Variants in COX5A observed in about 807,000 individuals in gnomAD.
The protein encoded by COX5A is cytochrome c oxidase subunit 5A, also known as cytochrome c oxidase subunit 5A, mitochondrial.
Under a neutral mutation model 16.1 loss-of-function variants are expected in COX5A, and 6 were observed. That is an observed-to-expected ratio of 0.37 (90% CI 0.20 to 0.73). The LOEUF (loss-of-function observed/expected upper bound fraction) is 0.73. Ranked by LOEUF, COX5A falls within the 30% of genes least tolerant of loss-of-function variation. The probability of loss-of-function intolerance (pLI) is 0.50; values close to 1 mark genes in which losing one functional copy is unlikely to be tolerated. For missense variants in COX5A, 159 were observed against 194.9 expected (o/e 0.82, Z 1.10); for synonymous variants, 73 against 73.8 (o/e 0.99, Z 0.06).
At chr15:74,930,395 C>A (rs1291125016) in intron 1 of COX5A, among the ~76,000 whole-genome samples, 1 of 126,882 alleles carries the variant, frequency 7.9e-6, no homozygotes, top group African/African-American at 3.0e-5. Flanking sequence ...TCCAGCCTGG[C>A]GACAGAGCGA....
intron 4 of COX5A, 98 bp from the exon 5 acceptor site, chr15:74,920,540 GTC>G (rs1187485067): frequency 1.5e-6 from 1 of 654,244 alleles, no homozygotes; most frequent in African/African-American, 1.8e-5. Flanking sequence ...GGAAATCACT[GTC>G]TCTCTGTACC....
chr15:74,929,205 T>C lies in COX5A; in HGVS notation c.128A>G (p.His43Arg), dbSNP rs372249618. Residue 43 changes from histidine (H) to arginine (R), a missense_variant, in exon 2 of 5, where the codon CAT becomes CGT. Physicochemically the swap from His to Arg is conservative, Grantham distance 29 (BLOSUM62 0). Transcript: ENST00000322347. ...VAIQSVRCYS[H>R]GSQETDEEFD... ...CTCCTCATCTGTCTCCTGTGACCCA[T>C]GGGAATAGCAGCGAACTGACTGGAT... is the stretch of plus-strand genomic sequence containing the variant. 73 of 1,613,708 alleles carry C rather than the reference T, an allele frequency of 4.5e-5. No individual in the cohort carries two copies. The highest frequency in any genetic ancestry group is 3.1e-5 in the Non-Finnish European group (36 of 1,179,744).
chr15:74,925,395 A>AT (rs926360413), intron 3 of COX5A, among the ~76,000 whole-genome samples: 2 of 151,992 alleles, frequency 1.3e-5, no homozygotes, highest in African/African-American at 4.8e-5. Flanking sequence ...ATGTATATAT[A>AT]TATTTTTTGA....
intron 1 of COX5A, among the ~76,000 whole-genome samples, chr15:74,937,221 C>T (rs911790734): frequency 6.6e-6 from 1 of 152,102 alleles, no homozygotes; most frequent in South Asian, 2.1e-4. Context: ...GGAAAAAACA[C>T]GAAGCGTTCC....
At chr15:74,936,730 G>A (rs973024585) in intron 1 of COX5A, among the ~76,000 whole-genome samples, 1 of 149,146 alleles carries the variant, frequency 6.7e-6, no homozygotes, top group Non-Finnish European at 1.5e-5. Context: ...AGGTTCAAGC[G>A]ATTCTTGTGC....
At chr15:74,932,281 G>A (rs2141273917) in intron 1 of COX5A, among the ~76,000 whole-genome samples, 1 of 152,216 alleles carries the variant, frequency 6.6e-6, no homozygotes, top group South Asian at 2.1e-4. Context: ...TATTAGATAA[G>A]TGTGGTGTAA....
intron 1 of COX5A, among the ~76,000 whole-genome samples, chr15:74,932,948 G>A (rs541594156): frequency 1.1e-4 from 17 of 151,100 alleles, no homozygotes; most frequent in African/African-American, 9.7e-5. Context: ...TGCCTGCCTC[G>A]GCCTCCCAAA....
At chr15:74,928,620 C>T (rs1369494522) in intron 2 of COX5A, among the ~76,000 whole-genome samples, 1 of 152,184 alleles carries the variant, frequency 6.6e-6, no homozygotes, top group African/African-American at 2.4e-5. Context: ...CTCCTGACCT[C>T]GTGATCCGCC....
At chr15:74,933,394 G>C (rs1314498047) in intron 1 of COX5A, among the ~76,000 whole-genome samples, 1 of 140,122 alleles carries the variant, frequency 7.1e-6, no homozygotes, top group Non-Finnish European at 1.6e-5. Context: ...GGGCGACAGA[G>C]CAAGACTCCG....
chr15:74,936,742 TC>T (rs1397808638), intron 1 of COX5A, among the ~76,000 whole-genome samples: 3 of 151,378 alleles, frequency 2.0e-5, no homozygotes, highest in Non-Finnish European at 2.9e-5. Flanking sequence ...TTCTTGTGCT[TC>T]AGCCTCCCGA....
chr15:74,930,364 G>A (rs1306877907), intron 1 of COX5A, among the ~76,000 whole-genome samples: 1 of 138,392 alleles, frequency 7.2e-6, no homozygotes, highest in Non-Finnish European at 1.5e-5. Flanking sequence ...GTTGCAGTGA[G>A]CCAAGATTGT....
intron 3 of COX5A, among the ~76,000 whole-genome samples, chr15:74,925,345 A>G (rs12904897): frequency 0.45 from 68,333 of 151,892 alleles, 16,368 homozygotes; most frequent in Non-Finnish European, 0.54. Flanking sequence ...CCAAATAAGA[A>G]GGAGGAAAAT....
At chr15:74,924,286 TC>T (rs1239531938) in intron 3 of COX5A, among the ~76,000 whole-genome samples, 1 of 149,248 alleles carries the variant, frequency 6.7e-6, no homozygotes. Flanking sequence ...TGCCTGTAAT[TC>T]CAGCACTTTG....
intron 1 of COX5A, among the ~76,000 whole-genome samples, chr15:74,934,432 G>A (rs959354042): frequency 3.3e-5 from 5 of 151,478 alleles, no homozygotes; most frequent in African/African-American, 7.3e-5. Flanking sequence ...CCAGGTTCAC[G>A]CCATTCTCCT....
At chr15:74,931,773 C>T (rs943923627) in intron 1 of COX5A, among the ~76,000 whole-genome samples, 2 of 152,122 alleles carry the variant, frequency 1.3e-5, no homozygotes, top group East Asian at 1.9e-4. Context: ...AGGCTGGTCT[C>T]GAACTCCTGA....
At position 74,920,241 on chromosome 15, in the gene COX5A, C is replaced by A; in HGVS notation, c.*211G>T. On this transcript the variant is annotated 3_prime_UTR_variant, in exon 5 of 5. Transcript: ENST00000322347. Reference sequence around the variant, plus strand: ...AACCAATACAGCACTTAATTTTCTGCTTATTAATGCAAACACATGAAACAA... The same window carrying A: ...AACCAATACAGCACTTAATTTTCTGATTATTAATGCAAACACATGAAACAA... 1.7e-6 allele frequency: 1 copy of A among 587,512 alleles called. No individual in the cohort carries two copies. The highest frequency in any genetic ancestry group is 2.9e-6 in the Non-Finnish European group (1 of 339,450). The allele number at this position is 587,512 out of a possible 1,614,324, so 36.4% of individuals were successfully genotyped here.
intron 1 of COX5A, among the ~76,000 whole-genome samples, chr15:74,930,002 C>T (rs1205108793): frequency 6.6e-6 from 1 of 151,692 alleles, no homozygotes; most frequent in Non-Finnish European, 1.5e-5. Context: ...TGGCGTGAAC[C>T]TGGACGGCGG....
In COX5A at chr15:74,924,870, C is replaced by T. The variant is rs185788318; in HGVS notation, c.340-1100G>A. Among the ~76,000 whole-genome samples the T allele has an allele frequency of 7.9e-5, 12 of 152,302 alleles. 1 individual carries two copies. The East Asian group carries it at 1.9e-3, about 24-fold the overall frequency. On this transcript the variant is annotated intron_variant, in intron 3 of 4. Coordinates refer to ENST00000322347, the MANE Select transcript of COX5A (RefSeq NM_004255.4). Reference sequence around the variant, plus strand: ...AGTAATGTCACACTTTTGCTGTTAACGGACCTTAAGTTTCTTTCTTACAGA... The same window carrying T: ...AGTAATGTCACACTTTTGCTGTTAATGGACCTTAAGTTTCTTTCTTACAGA...
chr15:74,933,463 CTATG>C (rs79482532), intron 1 of COX5A, among the ~76,000 whole-genome samples: 2,800 of 136,340 alleles, frequency 0.021, 48 homozygotes, highest in Non-Finnish European at 0.026. Context: ...ATCTATCTAT[CTATG>C]TAAAAACATA....
Sources: allele counts gnomAD v4.1 joint callset (sites outside exome capture counted in the v4.1 genomes callset), GRCh38; gene constraint gnomAD v4.1.1; transcripts MANE v1.5; gene names NCBI Gene and HGNC (gene_info 2026-07-23, HGNC 2026-07-21).